The following MACROD2 variants were observed in gnomAD, a reference collection of about 807,000 sequenced individuals.
MACROD2 encodes mono-ADP ribosylhydrolase 2.
Under a neutral mutation model 70.4 loss-of-function variants are expected in MACROD2, and 36 were observed. The observed-to-expected ratio is 0.51, with a 90% confidence interval of 0.39 to 0.68. MACROD2 has a LOEUF of 0.68. Among genes scored for constraint, MACROD2 ranks in the 30% least tolerant of loss-of-function variants. The pLI is 0.00. For synonymous variants in MACROD2, 172 were observed against 178.8 expected (o/e 0.96, Z 0.30); for missense variants, 496 against 538.4 (o/e 0.92, Z 0.78).
chr20:15,475,478 A>G (rs73897607), intron 7 of MACROD2, among the ~76,000 whole-genome samples: 3,235 of 152,350 alleles, frequency 0.021, 109 homozygotes, highest in African/African-American at 0.072. Flanking sequence ...GAGAGTATCC[A>G]GGAAAATCAC....
intron 5 of MACROD2, among the ~76,000 whole-genome samples, chr20:15,169,523 G>A (rs903691159): frequency 6.6e-6 from 1 of 152,182 alleles, no homozygotes; most frequent in Non-Finnish European, 1.5e-5. Context: ...CAGGGTACAA[G>A]ACATTTATTT....
chr20:15,696,678 G>GT (rs374403186), intron 8 of MACROD2, among the ~76,000 whole-genome samples: 2,692 of 88,616 alleles, frequency 0.03, 78 homozygotes, highest in African/African-American at 0.06. Flanking sequence ...TAGTCCTGGA[G>GT]TTTTTTTTTT....
chr20:14,953,917 A>C (rs1357076066), intron 5 of MACROD2, among the ~76,000 whole-genome samples: 1 of 152,200 alleles, frequency 6.6e-6, no homozygotes, highest in African/African-American at 2.4e-5. Context: ...CGGTAGAAAC[A>C]GCCCTTAGTC....
chr20:15,887,162 C>T (rs944345127), intron 10 of MACROD2, among the ~76,000 whole-genome samples: 22 of 152,224 alleles, frequency 1.4e-4, no homozygotes, highest in Admixed American at 9.2e-4. Flanking sequence ...AAGGTTTGAT[C>T]GGTGTGGTCC....
chr20:15,454,996 A>T (rs1217959197), intron 7 of MACROD2, among the ~76,000 whole-genome samples: 1 of 152,228 alleles, frequency 6.6e-6, no homozygotes. Context: ...TGTGATAAAC[A>T]TTTACTCTCA....
chr20:15,880,767 A>C (rs1233364190), intron 9 of MACROD2, among the ~76,000 whole-genome samples: 1 of 152,086 alleles, frequency 6.6e-6, no homozygotes, highest in Non-Finnish European at 1.5e-5. Flanking sequence ...AGGCAAAGAG[A>C]CCCAGGAGCT....
At chr20:14,198,310 T>C (rs1303740078) in intron 3 of MACROD2, among the ~76,000 whole-genome samples, 10 of 152,194 alleles carry the variant, frequency 6.6e-5, no homozygotes, top group Admixed American at 6.5e-4. Context: ...TATACACATT[T>C]TATAGGAGTA....
chr20:15,917,293 C>T lies in MACROD2; in HGVS notation c.776-15983C>T, dbSNP rs535210542. Among the ~76,000 whole-genome samples, 30 of 152,276 alleles carry T rather than the reference C, an allele frequency of 2.0e-4. No individual in the cohort carries two copies. In the South Asian group the frequency reaches 2.7e-3, roughly 14 times the overall value. On this transcript the variant is annotated intron_variant, in intron 10 of 17. Transcript: ENST00000684519. ...GATTTCTCTCATTCCTTCAGGGAGA[C>T]AGAAACAGGTTCAAAAATTAAGTCA...
At chr20:14,823,811 G>A (rs747028087) in intron 5 of MACROD2, among the ~76,000 whole-genome samples, 29 of 151,738 alleles carry the variant, frequency 1.9e-4, no homozygotes, top group Admixed American at 1.5e-3. Context: ...TTGTTTTTTC[G>A]CTAAGAAGAG....
intron 3 of MACROD2, among the ~76,000 whole-genome samples, chr20:14,302,930 G>T (rs1310045301): frequency 6.6e-6 from 1 of 152,156 alleles, no homozygotes; most frequent in Non-Finnish European, 1.5e-5. Flanking sequence ...GGGACTACAG[G>T]TGTGAGCCAC....
intron 3 of MACROD2, among the ~76,000 whole-genome samples, chr20:14,360,917 G>A (rs1056299647): frequency 6.6e-5 from 10 of 152,172 alleles, no homozygotes; most frequent in Non-Finnish European, 1.2e-4. Context: ...TGGATTTGCA[G>A]AAGCAATTAA....
chr20:14,956,358 G>A (rs934819096), intron 5 of MACROD2, among the ~76,000 whole-genome samples: 15 of 152,216 alleles, frequency 9.9e-5, no homozygotes, highest in Admixed American at 9.2e-4. Flanking sequence ...ATTTGGATAT[G>A]GGATAGTAAA....
At chr20:14,979,800 A>T (rs941100803) in intron 5 of MACROD2, among the ~76,000 whole-genome samples, 4 of 152,220 alleles carry the variant, frequency 2.6e-5, no homozygotes, top group Non-Finnish European at 5.9e-5. Context: ...CTGATAAAAT[A>T]GAATAATATG....
chr20:14,959,878 TA>T (rs2074568636), intron 5 of MACROD2, among the ~76,000 whole-genome samples: 1 of 152,182 alleles, frequency 6.6e-6, no homozygotes, highest in Non-Finnish European at 1.5e-5. Flanking sequence ...AACCCATCTG[TA>T]ATACCTGATT....
chr20:14,134,177 T>C (rs910994674), intron 3 of MACROD2, among the ~76,000 whole-genome samples: 5 of 152,202 alleles, frequency 3.3e-5, no homozygotes, highest in Non-Finnish European at 7.3e-5. Flanking sequence ...CACCATTTAA[T>C]ATGAAGTTTT....
chr20:15,035,575 A>G (rs578152727), intron 5 of MACROD2, among the ~76,000 whole-genome samples: 4 of 152,284 alleles, frequency 2.6e-5, no homozygotes, highest in African/African-American at 9.6e-5. Context: ...CAGGAAAAGC[A>G]ATCAGTGCCA....
At chr20:15,867,579 A>G (rs771048771) in intron 9 of MACROD2, among the ~76,000 whole-genome samples, 1 of 152,172 alleles carries the variant, frequency 6.6e-6, no homozygotes, top group Non-Finnish European at 1.5e-5. Flanking sequence ...TCTTTACATA[A>G]AAGTGCTTGT....
intron 10 of MACROD2, among the ~76,000 whole-genome samples, chr20:15,917,875 G>A (rs1347863619): frequency 6.6e-6 from 1 of 151,346 alleles, no homozygotes; most frequent in Non-Finnish European, 1.5e-5. Context: ...AAAAGCTGAA[G>A]GAAGAAACTA....
At chr20:15,145,442 A>C (rs971854700) in intron 5 of MACROD2, among the ~76,000 whole-genome samples, 2 of 152,150 alleles carry the variant, frequency 1.3e-5, no homozygotes, top group Admixed American at 1.3e-4. Context: ...TGTATCAGTT[A>C]TTCAAGTGAC....
Sources: gnomAD v4.1 joint callset for allele counts (sites outside exome capture counted in the v4.1 genomes callset) on GRCh38, gnomAD v4.1.1 for gene constraint, MANE v1.5 for transcripts, NCBI Gene and HGNC (gene_info 2026-07-23, HGNC 2026-07-21) for gene names.